Variants in EPHA4 observed in about 807,000 individuals in gnomAD.
EPHA4 encodes EPH receptor A4.
EPHA4 carries 19 observed loss-of-function variants against 108.3 expected under a neutral mutation model. The ratio of observed to expected loss-of-function variants is 0.18; its 90% CI spans 0.12 to 0.26. The LOEUF (loss-of-function observed/expected upper bound fraction) is 0.26. Among genes scored for constraint, EPHA4 ranks in the 10% least tolerant of loss-of-function variants. The pLI, the probability that EPHA4 is intolerant of heterozygous loss-of-function variation, is 1.00. For missense variants in EPHA4, 917 were observed against 1,254.0 expected (o/e 0.73, Z 4.06); for synonymous variants, 449 against 455.5 (o/e 0.99, Z 0.18).
At chr2:221,431,745 C>G (rs1218609612) in intron 14 of EPHA4, among the ~76,000 whole-genome samples, 1 of 152,198 alleles carries the variant, frequency 6.6e-6, no homozygotes, top group Non-Finnish European at 1.5e-5. Flanking sequence ...TATAACCCCT[C>G]AGACTGATTA....
chr2:221,441,814 T>G (rs1415652928), intron 11 of EPHA4, among the ~76,000 whole-genome samples: 1 of 151,808 alleles, frequency 6.6e-6, no homozygotes, highest in African/African-American at 2.4e-5. Flanking sequence ...CCACGAGGGG[T>G]CCAGGAAACT....
intron 3 of EPHA4, among the ~76,000 whole-genome samples, chr2:221,510,647 A>G (rs1692799965): frequency 1.3e-5 from 2 of 152,232 alleles, no homozygotes; most frequent in East Asian, 3.8e-4. Context: ...AAGATTCACT[A>G]AATCTTCCAG....
At chr2:221,572,380 G>T, upstream of EPHA4, 1 of 747,470 alleles carries the variant, frequency 1.3e-6, no homozygotes, top group East Asian at 2.8e-5. Context: ...GCCAGTCCGG[G>T]GCCCGCGGCC....
chr2:221,568,678 C>T, intron 2 of EPHA4, 40 bp downstream of exon 2: 1 of 1,568,102 alleles, frequency 6.4e-7, no homozygotes, highest in Non-Finnish European at 8.7e-7. Context: ...CTAATCACTC[C>T]TTTTTTACCC....
intron 5 of EPHA4, among the ~76,000 whole-genome samples, chr2:221,467,472 G>A (rs1691346466): frequency 6.6e-6 from 1 of 152,210 alleles, no homozygotes; most frequent in Non-Finnish European, 1.5e-5. Flanking sequence ...TGTCATGAAA[G>A]ATGTAAGGTT....
At chr2:221,555,250 A>C (rs1057436626) in intron 3 of EPHA4, among the ~76,000 whole-genome samples, 2 of 152,236 alleles carry the variant, frequency 1.3e-5, no homozygotes, top group Admixed American at 1.3e-4. Context: ...CATTCAAATC[A>C]AAACCGAATT....
intron 5 of EPHA4, among the ~76,000 whole-genome samples, chr2:221,475,620 G>C (rs1691629617): frequency 6.6e-6 from 1 of 152,154 alleles, no homozygotes; most frequent in African/African-American, 2.4e-5. Context: ...CCGGACATTT[G>C]CCCTCTGTTG....
chr2:221,498,078 A>C (rs1692353295), intron 4 of EPHA4, among the ~76,000 whole-genome samples: 1 of 152,202 alleles, frequency 6.6e-6, no homozygotes, highest in Non-Finnish European at 1.5e-5. Context: ...CAACACAGAC[A>C]TATGGCCATC....
rs116668201 is a variant in EPHA4 at position 221,541,482 on chromosome 2, T to G, written c.823+22249A>C. ...AGCTCATTCATAGAGGATTTCAGAG[T>G]TACAGCCGAAGGTGCCAGTCCTAAT... On this transcript the variant is annotated intron_variant, in intron 3 of 17. Transcript: ENST00000281821. Among the ~76,000 whole-genome samples the G allele has an allele frequency of 3.4e-3, 514 of 152,114 alleles. 3 individuals are homozygous for G. Among genetic ancestry groups the G allele is most frequent in the African/African-American group, 0.011 (476 of 41,476 alleles).
At chr2:221,484,663 G>A (rs1313402390) in intron 4 of EPHA4, among the ~76,000 whole-genome samples, 2 of 152,108 alleles carry the variant, frequency 1.3e-5, no homozygotes, top group African/African-American at 4.8e-5. Context: ...TAAAATCACC[G>A]ACTCTAAGAG....
At chr2:221,446,689 T>G (rs1205075120) in intron 8 of EPHA4, among the ~76,000 whole-genome samples, 3 of 152,168 alleles carry the variant, frequency 2.0e-5, no homozygotes, top group Non-Finnish European at 4.4e-5. Flanking sequence ...ACCACAAAAC[T>G]TCATTATCAT....
chr2:221,567,396 CT>C (rs940967845), intron 2 of EPHA4, among the ~76,000 whole-genome samples: 2 of 152,152 alleles, frequency 1.3e-5, no homozygotes, highest in African/African-American at 4.8e-5. Flanking sequence ...AAAGCCGTAC[CT>C]TTCTTCACAT....
chr2:221,432,717 C>A (rs1690115298), intron 14 of EPHA4, among the ~76,000 whole-genome samples: 1 of 151,156 alleles, frequency 6.6e-6, no homozygotes, highest in African/African-American at 2.4e-5. Context: ...CATCTTGGCT[C>A]ACTGCAACCT....
intron 4 of EPHA4, among the ~76,000 whole-genome samples, chr2:221,488,751 T>G (rs1692052083): frequency 6.6e-6 from 1 of 152,186 alleles, no homozygotes; most frequent in Non-Finnish European, 1.5e-5. Context: ...AAAAGGAATC[T>G]TGATCTTCCT....
At chr2:221,494,327 G>A (rs1692242035) in intron 4 of EPHA4, among the ~76,000 whole-genome samples, 2 of 152,222 alleles carry the variant, frequency 1.3e-5, no homozygotes, top group South Asian at 4.1e-4. Context: ...CTTAATGCCG[G>A]GTGCAGTGAC....
At chr2:221,546,978 A>G (rs941411913) in intron 3 of EPHA4, among the ~76,000 whole-genome samples, 1 of 152,190 alleles carries the variant, frequency 6.6e-6, no homozygotes, top group Non-Finnish European at 1.5e-5. Context: ...TTTTGTGGCT[A>G]TCATAATTCA....
chr2:221,523,790 T>C (rs1257737058), intron 3 of EPHA4, among the ~76,000 whole-genome samples: 1 of 150,678 alleles, frequency 6.6e-6, no homozygotes, highest in Non-Finnish European at 1.5e-5. Flanking sequence ...AGAGACAAGG[T>C]TTCATCATGT....
intron 3 of EPHA4, chr2:221,533,131 T>C (rs996247960): frequency 3.9e-5 from 6 of 152,224 alleles, no homozygotes; most frequent in African/African-American, 1.4e-4. Context: ...ACATTTCATC[T>C]GAGCCATACA....
chr2:221,517,042 C>T (rs1442610507), intron 3 of EPHA4, among the ~76,000 whole-genome samples: 3 of 152,200 alleles, frequency 2.0e-5, no homozygotes, highest in East Asian at 1.9e-4. Context: ...AGCGCTCCTA[C>T]GTGTGCCTGA....
Sources: allele counts gnomAD v4.1 joint callset (sites outside exome capture counted in the v4.1 genomes callset), GRCh38; gene constraint gnomAD v4.1.1; transcripts MANE v1.5; gene names NCBI Gene and HGNC (gene_info 2026-07-23, HGNC 2026-07-21).